The following PDPR variants were observed in gnomAD, a reference collection of about 807,000 sequenced individuals.
PDPR encodes pyruvate dehydrogenase phosphatase regulatory subunit.
A neutral mutation model predicts 102.2 loss-of-function variants in PDPR; 50 were observed. That is an observed-to-expected ratio of 0.49 (90% CI 0.39 to 0.62). The LOEUF is 0.62. Among genes scored for constraint, PDPR ranks in the 20% least tolerant of loss-of-function variants. The pLI is 0.00. For synonymous variants in PDPR, 259 were observed against 406.0 expected, an observed-to-expected ratio of 0.64 and a Z score of 4.35; for missense variants, 625 against 1,098.2, an observed-to-expected ratio of 0.57 and a Z score of 6.09.
intron 11 of PDPR, among the ~76,000 whole-genome samples, chr16:70,140,688 G>A (rs1331722159): frequency 3.9e-5 from 6 of 152,168 alleles, no homozygotes; most frequent in Admixed American, 6.6e-5. Context: ...GGTGGTACGT[G>A]CCTGTGATCC....
intron 4 of PDPR, among the ~76,000 whole-genome samples, 178 bp downstream of exon 4, chr16:70,127,571 C>T (rs1165417865): frequency 3.9e-5 from 6 of 152,386 alleles, no homozygotes; most frequent in Non-Finnish European, 7.3e-5. Context: ...AGGCGGATCA[C>T]GAGGTCAGGA....
chr16:70,139,494 C>T (rs1325216065), intron 11 of PDPR, among the ~76,000 whole-genome samples: 2 of 152,274 alleles, frequency 1.3e-5, no homozygotes, highest in Non-Finnish European at 1.5e-5. Flanking sequence ...CTCAGAGCTT[C>T]AGGCTTCCGT....
intron 18 of PDPR, among the ~76,000 whole-genome samples, chr16:70,154,850 G>A (rs774876008): frequency 6.6e-6 from 1 of 152,328 alleles, no homozygotes; most frequent in African/African-American, 2.4e-5. Context: ...CATTGGCCAG[G>A]GTGGTCTCGA....
In PDPR at chr16:70,143,602, C is replaced by G. The variant is rs1597360215; in HGVS notation, c.1698C>G (p.Leu566=). The change falls in exon 14 of 19, where the codon CTC becomes CTG. Residue 566 remains leucine, a synonymous_variant. Transcript: ENST00000288050. ...PVGHIVHTGM[L]NEGGGYENDC... ...GCCACATTGTGCATACTGGCATGCT[C>G]AACGAGGGTGGAGGGTATGAAAATG... 1.2e-6 allele frequency: 2 copies of G among 1,613,200 alleles called. No homozygotes were observed. Among genetic ancestry groups the G allele is most frequent in the East Asian group, 4.5e-5 (2 of 44,884 alleles).
intron 3 of PDPR, among the ~76,000 whole-genome samples, chr16:70,123,803 A>G (rs1389459722): frequency 6.6e-6 from 1 of 152,272 alleles, no homozygotes; most frequent in Non-Finnish European, 1.5e-5. Flanking sequence ...CTGTAATCCC[A>G]GGACTTTGGG....
At chr16:70,152,994 T>G (rs1184486888) in intron 17 of PDPR, among the ~76,000 whole-genome samples, 1 of 152,264 alleles carries the variant, frequency 6.6e-6, no homozygotes, top group Non-Finnish European at 1.5e-5. Context: ...GTTGGGAAAT[T>G]GGAGCAAAAG....
intron 9 of PDPR, among the ~76,000 whole-genome samples, chr16:70,134,289 G>A (rs868284523): frequency 1.3e-5 from 2 of 151,954 alleles, no homozygotes; most frequent in Non-Finnish European, 2.9e-5. Context: ...GCAGTGGTGC[G>A]ATCTTAGCTC....
chr16:70,135,458 A>G (rs1445924695), intron 9 of PDPR, among the ~76,000 whole-genome samples: 2 of 152,226 alleles, frequency 1.3e-5, no homozygotes, highest in Non-Finnish European at 2.9e-5. Flanking sequence ...AATGCTCTTG[A>G]ACTCCTGACC....
At chr16:70,135,585 T>G (rs1255221855) in intron 9 of PDPR, among the ~76,000 whole-genome samples, 1 of 152,274 alleles carries the variant, frequency 6.6e-6, no homozygotes, top group East Asian at 1.9e-4. Context: ...TTTAAGAGCT[T>G]TTCCACTCAC....
At chr16:70,152,142 AC>A (rs1302251137) in intron 17 of PDPR, among the ~76,000 whole-genome samples, 26 of 152,264 alleles carry the variant, frequency 1.7e-4, no homozygotes, top group Non-Finnish European at 1.6e-4. Flanking sequence ...TCCTGCACCC[AC>A]CTTGGCTGAT....
intron 17 of PDPR, among the ~76,000 whole-genome samples, chr16:70,150,711 T>C (rs1292058292): frequency 6.6e-6 from 1 of 152,158 alleles, no homozygotes; most frequent in Admixed American, 6.6e-5. Context: ...AGGGTCTTGC[T>C]ATGTTGCCTA....
At chr16:70,143,463 A>G (rs533019943) in intron 13 of PDPR, 47 bp from the exon 14 acceptor site, 3 of 1,603,018 alleles carry the variant, frequency 1.9e-6, no homozygotes, top group East Asian at 2.2e-5. Flanking sequence ...TGGCCCAGCC[A>G]GGTGCTCTCA....
chr16:70,127,164 C>G, intron 3 of PDPR, 96 bp from the exon 4 acceptor site: 2 of 1,540,358 alleles, frequency 1.3e-6, no homozygotes, highest in East Asian at 2.3e-5. Flanking sequence ...TTGTTTCCAT[C>G]TTTTGGTGTT....
intron 2 of PDPR, among the ~76,000 whole-genome samples, chr16:70,117,657 A>G (rs1311283244): frequency 2.0e-5 from 3 of 152,194 alleles, no homozygotes; most frequent in African/African-American, 2.4e-5. Context: ...GCCTCACCTG[A>G]TATGTTTGAC....
At chr16:70,155,250 C>T (rs561719837) in intron 18 of PDPR, among the ~76,000 whole-genome samples, 1 of 152,212 alleles carries the variant, frequency 6.6e-6, no homozygotes, top group South Asian at 2.1e-4. Context: ...ATTAAAATCA[C>T]CCATATTTTG....
intron 1 of PDPR, among the ~76,000 whole-genome samples, 176 bp downstream of exon 1, chr16:70,114,616 C>G (rs1487272486): frequency 6.6e-6 from 1 of 152,254 alleles, no homozygotes; most frequent in Admixed American, 6.5e-5. Flanking sequence ...GGCGCCAGTA[C>G]TCGTCCCCGT....
chr16:70,132,292 A>G lies in PDPR; in HGVS notation c.989A>G (p.Asp330Gly), dbSNP rs747304533. 4 of 1,613,798 alleles carry G rather than the reference A, an allele frequency of 2.5e-6. No homozygotes were observed. In the South Asian group the frequency reaches 4.4e-5, roughly 18 times the overall value. ...ATTCAGAATCTACAGGAAGACTGGG[A>G]TCACTTTGGTATGTGAACTGCATTA... ...LEIQNLQEDW[D>G]HFEPLLSSLL... Residue 330 changes from aspartate (D) to glycine (G), a missense_variant, in exon 9 of 19, where the codon GAT (aspartate) becomes GGT (glycine). Coordinates refer to ENST00000288050, the MANE Select transcript of PDPR (RefSeq NM_017990.5).
At chr16:70,149,130 G>A (rs1486562224) in intron 17 of PDPR, among the ~76,000 whole-genome samples, 1 of 151,634 alleles carries the variant, frequency 6.6e-6, no homozygotes, top group Non-Finnish European at 1.5e-5. Context: ...CCTGACCTCA[G>A]GTGATACACC....
rs1180971618 is a variant in PDPR at position 70,114,343 on chromosome 16, C to T, written c.-240C>T. On this transcript the variant is annotated 5_prime_UTR_variant, in exon 1 of 19. Coordinates refer to ENST00000288050, the MANE Select transcript of PDPR (RefSeq NM_017990.5). ...CCCGCCCCCTTCCCATCCCCGAACC[C>T]CGCTTTCCGGCCCGCGGCGACCCCA... 3 of 152,210 alleles carry T rather than the reference C, an allele frequency of 2.0e-5. No individual in the cohort carries two copies. The highest frequency in any genetic ancestry group is 4.8e-5 in the African/African-American group (2 of 41,462). 9.4% of individuals were successfully genotyped at this position (152,210 alleles called of 1,614,324 possible).
Sources: allele counts gnomAD v4.1 joint callset (sites outside exome capture counted in the v4.1 genomes callset), GRCh38; gene constraint gnomAD v4.1.1; transcripts MANE v1.5; gene names NCBI Gene and HGNC (gene_info 2026-07-23, HGNC 2026-07-21).